Variants in NLRP2 observed in about 807,000 individuals in gnomAD.
The protein encoded by NLRP2 is NLR family pyrin domain containing 2.
NLRP2 carries 107 observed loss-of-function variants against 97.2 expected under a neutral mutation model. The observed-to-expected ratio is 1.10, with a 90% CI of 0.94 to 1.29. NLRP2 has a LOEUF of 1.29. NLRP2 is among the 50% of genes most tolerant of loss of function. The pLI, the probability that NLRP2 is intolerant of heterozygous loss-of-function variation, is 0.00. For missense variants in NLRP2, 1,495 were observed against 1,330.3 expected (o/e 1.12, Z -1.93); for synonymous variants, 663 against 551.5 (o/e 1.20, Z -2.83).
chr19:54,980,437 A>AC (rs1241924977), intron 4 of NLRP2, among the ~76,000 whole-genome samples: 2 of 147,510 alleles, frequency 1.4e-5, no homozygotes, highest in African/African-American at 5.0e-5. Context: ...CTTATGATCC[A>AC]CCCGCCTTGG....
At position 54,967,785 on chromosome 19, in the gene NLRP2, G is replaced by A. The variant is rs530430333; in HGVS notation, c.-18+1318G>A. On this transcript the variant is annotated intron_variant, in intron 1 of 12. Transcript: ENST00000448584. ...TTCACTGAGGTGAGGGAGCCTCTTA[G>A]CATCATTCTAGTCCAGCTTCCGGAC... is the stretch of plus-strand genomic sequence containing the variant. Among the ~76,000 whole-genome samples the A allele has an allele frequency of 8.9e-4, 135 of 152,168 alleles. 1 individual carries two copies. Among genetic ancestry groups the A allele is most frequent in the African/African-American group, 3.2e-3 (131 of 41,542 alleles).
intron 12 of NLRP2, among the ~76,000 whole-genome samples, chr19:54,999,026 C>CCA (rs1555785167): frequency 2.2e-5 from 2 of 92,788 alleles, no homozygotes; most frequent in African/African-American, 3.5e-5. Context: ...CTGACCCCCC[C>CCA]ACCTCCCTCC....
chr19:54,982,899 T>C lies in NLRP2; in HGVS notation c.1201T>C (p.Cys401Arg). The C allele has an allele frequency of 6.2e-7, 1 of 1,613,066 alleles. No homozygotes were observed. Among genetic ancestry groups the C allele is most frequent in the East Asian group, 2.2e-5 (1 of 44,870 alleles). Residue 401 changes from cysteine (C) to arginine (R), a missense_variant, in exon 6 of 13, where the codon TGC (cysteine) becomes CGC (arginine). Cys to Arg is a radical substitution (Grantham distance 180). Transcript: ENST00000448584. ...CCAGCTGGGCTCGGCCCCCGCGGTGTGCTGGATCGTGTGCACGACTCTGAA... is the reference window on the plus strand; with the variant it reads ...CCAGCTGGGCTCGGCCCCCGCGGTGCGCTGGATCGTGTGCACGACTCTGAA... ...LFQLGSAPAV[C>R]WIVCTTLKLQ...
At chr19:54,967,917 A>ATTTTTTTT (rs55659818) in intron 1 of NLRP2, among the ~76,000 whole-genome samples, 8 of 126,306 alleles carry the variant, frequency 6.3e-5, no homozygotes, top group Non-Finnish European at 1.2e-4. Flanking sequence ...TGCTACTGCT[A>ATTTTTTTT]TTTTTTTTTT....
chr19:54,977,478 G>A (rs1355489627), intron 3 of NLRP2, among the ~76,000 whole-genome samples: 1 of 119,396 alleles, frequency 8.4e-6, no homozygotes, highest in African/African-American at 3.4e-5. Flanking sequence ...GGCCTTATGC[G>A]TGAGTAGTTT....
In NLRP2 at chr19:54,970,034, A is replaced by G. The variant is rs1568462611; in HGVS notation, c.19A>G (p.Met7Val). 1 of 1,613,856 alleles carries G rather than the reference A, an allele frequency of 6.2e-7. No individual in the cohort carries two copies. The highest frequency in any genetic ancestry group is 2.2e-5 in the East Asian group (1 of 44,862). The change falls in exon 2 of 13, where the codon ATG (methionine) becomes GTG (valine). Residue 7 changes from methionine to valine, a missense_variant. By Grantham distance (21) the Met-to-Val change is conservative. Coordinates refer to ENST00000448584, the MANE Select transcript of NLRP2 (RefSeq NM_017852.5). Reference sequence around the variant, plus strand: ...GGACAAGATGGTGTCTTCGGCGCAGATGGGCTTCAACCTGCAGGCTCTCCT... The same window carrying G: ...GGACAAGATGGTGTCTTCGGCGCAGGTGGGCTTCAACCTGCAGGCTCTCCT... MVSSAQMGFNLQALLEQ... is the reference protein window; with the variant it reads MVSSAQVGFNLQALLEQ...
chr19:54,969,693 T>C (rs2070720214), intron 1 of NLRP2, among the ~76,000 whole-genome samples: 1 of 152,080 alleles, frequency 6.6e-6, no homozygotes, highest in Non-Finnish European at 1.5e-5. Context: ...GAGGTCTTGC[T>C]CTGTTGCCCA....
In NLRP2 at chr19:54,977,796, C is replaced by A; in HGVS notation, c.370C>A (p.Leu124Met). ...ERPPLDVDEM[L>M]ERFKTEAQAF... ...ACCACCTCTAGACGTGGACGAAATG[C>A]TGGAGCGCTTCAAAACAGAAGCACA... is the stretch of plus-strand genomic sequence containing the variant. Residue 124 changes from leucine (L) to methionine (M), a missense_variant, in exon 4 of 13, where the codon CTG (leucine) becomes ATG (methionine). By Grantham distance (15) the Leu-to-Met change is conservative (BLOSUM62 2). Transcript: ENST00000448584. The A allele has an allele frequency of 6.2e-7, 1 of 1,613,806 alleles. No homozygotes were observed. The highest frequency in any genetic ancestry group is 8.5e-7 in the Non-Finnish European group (1 of 1,180,006).
rs989394859 is a variant in NLRP2, at chr19:54,977,058, C to T, written c.326-694C>T. ...TCGATCTCCTGACCTCATGATCCGC[C>T]TGCCTTGGCCTCCCAAAGTGTTGGG... On this transcript the variant is annotated intron_variant, in intron 3 of 12. Coordinates refer to ENST00000448584, the MANE Select transcript of NLRP2 (RefSeq NM_017852.5). The T allele has an allele frequency of 4.7e-5, 14 of 300,502 alleles. No homozygotes were observed. The Admixed American group carries it at 4.8e-4, about 10-fold the overall frequency. The allele number at this position is 300,502 out of a possible 1,614,324, so 18.6% of individuals were successfully genotyped here. A position where few individuals can be genotyped will look rare whatever the true frequency, so the allele number is the denominator to read the frequency against.
rs749931307 is a variant in NLRP2 at position 54,983,319 on chromosome 19, G to C, written c.1621G>C (p.Gly541Arg). ...TGGGGACGTACAGAAGCTGCTTTCCGGAGTAGAAAGACTCAGGAACCCCGA... is the reference window on the plus strand; with the variant it reads ...TGGGGACGTACAGAAGCTGCTTTCCCGAGTAGAAAGACTCAGGAACCCCGA... Reference protein sequence around the residue: ...DIGDVQKLLSGVERLRNPDLI... With the variant: ...DIGDVQKLLSRVERLRNPDLI... Residue 541 changes from glycine (G) to arginine (R), a missense_variant, in exon 6 of 13, where the codon GGA (glycine) becomes CGA (arginine). Gly to Arg is a moderately radical substitution (Grantham distance 125). Transcript: ENST00000448584. 2 of 1,614,068 alleles carry C rather than the reference G, an allele frequency of 1.2e-6. No homozygotes were observed. Among genetic ancestry groups the C allele is most frequent in the African/African-American group, 2.7e-5 (2 of 74,928 alleles).
At chr19:54,993,353 G>C (rs1463278645) in intron 10 of NLRP2, 3 of 151,982 alleles carry the variant, frequency 2.0e-5, no homozygotes, top group African/African-American at 7.3e-5. Flanking sequence ...CCCTCAGCTA[G>C]TGGTATGCTT....
At chr19:54,984,953 C>T in intron 6 of NLRP2, 94 bp from the exon 7 acceptor site, 1 of 1,175,132 alleles carries the variant, frequency 8.5e-7, no homozygotes, top group South Asian at 1.2e-5. Flanking sequence ...TTCAATTGTA[C>T]TCATTTGTCA....
chr19:54,979,635 G>A lies in NLRP2; in HGVS notation c.397+1812G>A, dbSNP rs2071448940. Among the ~76,000 whole-genome samples, 3 of 152,088 alleles carry A rather than the reference G, an allele frequency of 2.0e-5. No individual in the cohort carries two copies. The South Asian group carries it at 6.2e-4, about 32-fold the overall frequency. On this transcript the variant is annotated intron_variant, in intron 4 of 12. Coordinates refer to ENST00000448584, the MANE Select transcript of NLRP2 (RefSeq NM_017852.5). ...CAAAGTGCTGGGATTACAGGCATGAGCCACCGTACCTAGCCCACATTGACT... is the reference window on the plus strand; with the variant it reads ...CAAAGTGCTGGGATTACAGGCATGAACCACCGTACCTAGCCCACATTGACT...
Position 55,000,829 on chromosome 19 carries a change from A to G in NLRP2, c.3120A>G (p.Gln1040=). 2 of 1,613,454 alleles carry G rather than the reference A, an allele frequency of 1.2e-6. No individual in the cohort carries two copies. Among genetic ancestry groups the G allele is most frequent in the Middle Eastern group, 1.6e-4 (1 of 6,062 alleles). ...AAGAAATAGAAGAAAAAAACCCACA[A>G]CTGATTATTGATACTGAGAAACATC... ...LLEEIEEKNP[Q]LIIDTEKHHP... The change falls in exon 13 of 13, where the codon CAA becomes CAG. Residue 1040 remains glutamine (Q), a synonymous_variant. Transcript: ENST00000448584.
intron 6 of NLRP2, among the ~76,000 whole-genome samples, chr19:54,983,982 C>G (rs978461800): frequency 1.2e-4 from 19 of 152,230 alleles, no homozygotes; most frequent in African/African-American, 4.3e-4. Flanking sequence ...TCCTGAGTAG[C>G]TGGGACTACA....
rs577834121 is a variant in NLRP2, at chr19:54,982,619, C to T, written c.921C>T (p.Asp307=). 1.2e-6 allele frequency: 2 copies of T among 1,614,106 alleles called. No homozygotes were observed. The highest frequency in any genetic ancestry group is 1.3e-5 in the African/African-American group (1 of 75,020). The change falls in exon 6 of 13, where the codon GAC becomes GAT. Residue 307 remains aspartate, a synonymous_variant. Transcript: ENST00000448584. ...PGALIEDICG[D]WEKKKPVPVL... ...CGCTGATCGAGGACATCTGCGGGGA[C>T]TGGGAGAAGAAGAAGCCGGTGCCCG...
At chr19:54,986,401 A>G in intron 8 of NLRP2, 86 bp downstream of exon 8, 2 of 1,295,290 alleles carry the variant, frequency 1.5e-6, no homozygotes, top group Non-Finnish European at 2.2e-6. Flanking sequence ...AATAAGAAAA[A>G]GTTCGTTATT....
chr19:54,970,516 G>A (rs1453920439), intron 2 of NLRP2, among the ~76,000 whole-genome samples: 1 of 151,940 alleles, frequency 6.6e-6, no homozygotes, highest in African/African-American at 2.4e-5. Context: ...TTTGCTGGAC[G>A]TGGTGGCAGA....
chr19:54,976,812 CTT>C (rs530895836), intron 3 of NLRP2: 904 of 326,658 alleles, frequency 2.8e-3, no homozygotes, highest in South Asian at 6.0e-3. Flanking sequence ...TGTTCTCTCT[CTT>C]TTTTTTTTTT....
Sources: gnomAD v4.1 joint callset for allele counts (sites outside exome capture counted in the v4.1 genomes callset) on GRCh38, gnomAD v4.1.1 for gene constraint, MANE v1.5 for transcripts, NCBI Gene and HGNC (gene_info 2026-07-23, HGNC 2026-07-21) for gene names.